DMD: variants seen among roughly 807,000 people sequenced by gnomAD.
DMD encodes dystrophin, also known as mutant dystrophin.
A neutral mutation model predicts 330.1 loss-of-function variants in DMD; 63 were observed. The observed-to-expected ratio is 0.19, with a 90% CI of 0.16 to 0.24. The LOEUF is 0.24. DMD is among the 10% of genes least tolerant of loss of function. The pLI, the probability that DMD is intolerant of heterozygous loss-of-function variation, is 1.00. For missense variants in DMD, 3,344 were observed against 2,684.1 expected, an observed-to-expected ratio of 1.25 and a Z score of -5.43; for synonymous variants, 1,223 against 959.8, an observed-to-expected ratio of 1.27 and a Z score of -5.07.
At chrX:31,371,632 T>G (rs1247159467) in intron 60 of DMD, among the ~76,000 whole-genome samples, 3 of 111,113 alleles carry the variant, frequency 2.7e-5, no homozygotes, top group African/African-American at 9.8e-5. Flanking sequence ...CAATCACATC[T>G]GGATTGAGGG....
intron 44 of DMD, among the ~76,000 whole-genome samples, chrX:32,112,303 G>T (rs1433409424): frequency 8.9e-6 from 1 of 111,915 alleles, no homozygotes; most frequent in African/African-American, 3.2e-5. Flanking sequence ...TGATCAAGCA[G>T]GTCTGAGATG....
chrX:32,795,948 AAAC>A (rs1477253711), intron 7 of DMD, among the ~76,000 whole-genome samples: 3 of 111,663 alleles, frequency 2.7e-5, no homozygotes, highest in Non-Finnish European at 5.7e-5. Flanking sequence ...AAAGACAAGA[AAAC>A]AACAGATGTT....
intron 1 of DMD, among the ~76,000 whole-genome samples, chrX:33,144,215 G>A (rs1335771387): frequency 9.0e-6 from 1 of 111,217 alleles, no homozygotes; most frequent in Non-Finnish European, 1.9e-5. Context: ...GTATGTGGGA[G>A]CTAAAAAATT....
At chrX:33,180,110 A>G (rs1038153681) in intron 1 of DMD, among the ~76,000 whole-genome samples, 7 of 112,058 alleles carry the variant, frequency 6.2e-5, no homozygotes, top group African/African-American at 2.3e-4. Flanking sequence ...TGCTGGGATT[A>G]CAGGCGTGAG....
chrX:31,321,649 T>TAAAGCCATAC (rs1467710524), intron 62 of DMD, among the ~76,000 whole-genome samples: 1 of 100,273 alleles, frequency 1.0e-5, no homozygotes, highest in Non-Finnish European at 2.0e-5. Flanking sequence ...GTGACTTGCC[T>TAAAGCCATAC]AAAGCCATAC....
At chrX:32,024,266 C>G (rs1000501754) in intron 44 of DMD, among the ~76,000 whole-genome samples, 6 of 110,467 alleles carry the variant, frequency 5.4e-5, no homozygotes, top group Non-Finnish European at 1.1e-4. Context: ...GGGCGGACTG[C>G]CAGAGCTGAG....
At chrX:32,591,871 T>A (rs1033696247) in intron 13 of DMD, among the ~76,000 whole-genome samples, 8 of 112,797 alleles carry the variant, frequency 7.1e-5, no homozygotes, top group Non-Finnish European at 1.5e-4. Context: ...CTCCCTGGCA[T>A]CTCCTCGCTC....
intron 7 of DMD, among the ~76,000 whole-genome samples, chrX:32,799,328 A>T (rs2076381916): frequency 9.0e-6 from 1 of 111,505 alleles, no homozygotes; most frequent in Admixed American, 9.6e-5. Context: ...ATTTCTCTCG[A>T]GTCCTAGTGT....
rs1363979138 is a variant in DMD, at chrX:32,372,679, T to G, written c.4846-7480A>C. 2.7e-5 allele frequency among the ~76,000 whole-genome samples: 3 copies of G among 111,430 alleles called. No individual in the cohort carries two copies. The East Asian group carries it at 8.4e-4, about 31-fold the overall frequency. ...AAAACTTAACATTAATTTTACCCTCTTTAATACTACTCTGATTGAAGGGTG... is the reference window on the plus strand; with the variant it reads ...AAAACTTAACATTAATTTTACCCTCGTTAATACTACTCTGATTGAAGGGTG... On this transcript the variant is annotated intron_variant, in intron 34 of 78. Transcript: ENST00000357033.
intron 29 of DMD, among the ~76,000 whole-genome samples, chrX:32,434,188 A>G (rs1237753812): frequency 8.9e-6 from 1 of 112,450 alleles, no homozygotes; most frequent in Non-Finnish European, 1.9e-5. Flanking sequence ...TATAAGAAAC[A>G]TTAGGTAGGT....
chrX:32,562,596 G>C (rs1044069712), intron 16 of DMD, among the ~76,000 whole-genome samples: 4 of 112,505 alleles, frequency 3.6e-5, no homozygotes, highest in South Asian at 7.3e-4. Flanking sequence ...TATCATGTGA[G>C]TAGTCATTAA....
At position 32,485,023 on chromosome X, in the gene DMD, T is replaced by C; in HGVS notation, c.2699A>G (p.Lys900Arg). ...ATCCAGGAACATGGGTCCTTGTCCT[T>C]TCTCTTTCAGGGCTATGCTTTGAAT... ...LKIQSIALKEKGQGPMFLDAD... is the reference protein window; with the variant it reads ...LKIQSIALKERGQGPMFLDAD... The change falls in exon 21 of 79, where the codon AAA (lysine) becomes AGA (arginine). Residue 900 changes from lysine to arginine, a missense_variant. Coordinates refer to ENST00000357033, the MANE Select transcript of DMD (RefSeq NM_004006.3). 1 of 1,211,635 alleles carries C rather than the reference T, an allele frequency of 8.3e-7. No homozygotes were observed. Among genetic ancestry groups the C allele is most frequent in the Non-Finnish European group, 1.1e-6 (1 of 895,261 alleles).
chrX:31,475,976 T>C (rs1338582833), intron 59 of DMD, among the ~76,000 whole-genome samples: 1 of 111,327 alleles, frequency 9.0e-6, no homozygotes, highest in African/African-American at 3.3e-5. Flanking sequence ...CATATGTTGC[T>C]GGCCCTGGGC....
intron 74 of DMD, among the ~76,000 whole-genome samples, chrX:31,162,042 T>C (rs986089315): frequency 5.4e-5 from 6 of 111,208 alleles, no homozygotes; most frequent in African/African-American, 2.0e-4. Context: ...CTACTCCCTC[T>C]GATAGAATAA....
At chrX:32,636,195 C>T (rs1024099678) in intron 11 of DMD, among the ~76,000 whole-genome samples, 3 of 112,100 alleles carry the variant, frequency 2.7e-5, no homozygotes, top group Non-Finnish European at 3.8e-5. Context: ...TTTCCCAACA[C>T]GAAGTATGCT....
At position 31,646,295 on chromosome X, in the gene DMD, G is replaced by C. The variant is rs1051468604; in HGVS notation, c.8027+11695C>G. 2.7e-5 allele frequency among the ~76,000 whole-genome samples: 3 copies of C among 110,117 alleles called. No homozygotes were observed. The Admixed American group carries it at 2.9e-4, about 11-fold the overall frequency. ...TGTGTGTGTGTGTAAAGAGAGAAGT[G>C]AAACAGAAGGAGATTATTGTTGCTA... is the stretch of plus-strand genomic sequence containing the variant. On this transcript the variant is annotated intron_variant, in intron 54 of 78. Transcript: ENST00000357033.
rs1452440366 is a variant in DMD, at chrX:33,331,504, G to A, written c.7+7755C>T. Among the ~76,000 whole-genome samples the A allele has an allele frequency of 2.7e-5, 3 of 111,831 alleles. No individual in the cohort carries two copies. The East Asian group carries it at 8.4e-4, about 31-fold the overall frequency. On this transcript the variant is annotated intron_variant, in intron 1 of 17. Coordinates refer to the DMD transcript ENST00000288447. ...GTCCTTATCACATTTTATCCTGGGAGTGTTATAATCAGTTGTAACAATGTC... is the reference window on the plus strand; with the variant it reads ...GTCCTTATCACATTTTATCCTGGGAATGTTATAATCAGTTGTAACAATGTC...
At chrX:33,142,726 C>T (rs919659770) in intron 1 of DMD, among the ~76,000 whole-genome samples, 4 of 111,926 alleles carry the variant, frequency 3.6e-5, no homozygotes, top group African/African-American at 1.3e-4. Flanking sequence ...AATGTTATAT[C>T]CTTAGATGTC....
At chrX:31,734,001 T>G (rs1452822605) in intron 51 of DMD, among the ~76,000 whole-genome samples, 1 of 111,502 alleles carries the variant, frequency 9.0e-6, no homozygotes, top group Non-Finnish European at 1.9e-5. Context: ...GCAGTTAGCC[T>G]TTTTTGTTCT....
Sources: gnomAD v4.1 joint callset for allele counts (sites outside exome capture counted in the v4.1 genomes callset) on GRCh38, gnomAD v4.1.1 for gene constraint, MANE v1.5 for transcripts, NCBI Gene and HGNC (gene_info 2026-07-23, HGNC 2026-07-21) for gene names.